The following VSIG1 variants were observed in gnomAD, a reference collection of about 807,000 sequenced individuals.
VSIG1 encodes V-set and immunoglobulin domain-containing protein 1.
Under a neutral mutation model 20.1 loss-of-function variants are expected in VSIG1, and 11 were observed. That is an observed-to-expected ratio of 0.55 (90% CI 0.34 to 0.91). VSIG1 has a LOEUF of 0.91. VSIG1 is among the 40% of genes least tolerant of loss of function. VSIG1 has a pLI of 0.02. For missense variants in VSIG1, 283 were observed against 298.8 expected, an observed-to-expected ratio of 0.95 and a Z score of 0.39; for synonymous variants, 126 against 116.7, an observed-to-expected ratio of 1.08 and a Z score of -0.52.
At chrX:108,045,229 CTTTT>C in intron 1 of VSIG1, 50 bp downstream of exon 1, 1 of 1,062,302 alleles carries the variant, frequency 9.4e-7, no homozygotes, top group Non-Finnish European at 1.3e-6. Flanking sequence ...ACAGAGTTTC[CTTTT>C]AAATAAAAAT....
chrX:108,047,921 C>CACATAT (rs1555980365), intron 1 of VSIG1, among the ~76,000 whole-genome samples: 3 of 60,899 alleles, frequency 4.9e-5, no homozygotes, highest in African/African-American at 9.0e-5. Context: ...TATATATACA[C>CACATAT]ATATATATAT....
chrX:108,050,200 T>A (rs192648476), intron 1 of VSIG1, among the ~76,000 whole-genome samples: 1 of 112,270 alleles, frequency 8.9e-6, no homozygotes, highest in African/African-American at 3.2e-5. Context: ...TGTTTGTCAA[T>A]CCTTTAAGTT....
chrX:108,034,942 C>T, the VSIG1 span, among the ~76,000 whole-genome samples: 1 of 111,702 alleles, frequency 9.0e-6, no homozygotes, highest in Non-Finnish European at 1.9e-5. Flanking sequence ...TAAAACCAAA[C>T]AGACAAATGA....
chrX:108,047,799 T>TATATATATACATATATATATAC (rs1555980245), intron 1 of VSIG1, among the ~76,000 whole-genome samples: 8,154 of 68,038 alleles, frequency 0.12, 1,080 homozygotes, highest in Non-Finnish European at 0.16. Flanking sequence ...TCTATATATA[T>TATATATATACATATATATATAC]ATATATATAC....
chrX:108,052,402 G>A (rs915316424), intron 1 of VSIG1, among the ~76,000 whole-genome samples: 1 of 111,252 alleles, frequency 9.0e-6, no homozygotes, highest in Non-Finnish European at 1.9e-5. Context: ...ATTTCGAGAA[G>A]AGCCTGGGCC....
chrX:108,020,204 C>A, the VSIG1 span, among the ~76,000 whole-genome samples: 10 of 111,654 alleles, frequency 9.0e-5, no homozygotes, highest in African/African-American at 3.3e-4. Flanking sequence ...TTCCTTTTAC[C>A]TTTTTTTCTT....
At position 108,077,512 on chromosome X, in the gene VSIG1, A is replaced by G. The variant is rs2031375982; in HGVS notation, c.*131A>G. 5 of 771,615 alleles carry G rather than the reference A, an allele frequency of 6.5e-6. No homozygotes were observed. In the East Asian group the frequency reaches 1.6e-4, roughly 25 times the overall value. The allele number at this position is 771,615 out of a possible 1,213,427, so 63.6% of individuals were successfully genotyped here. A position where few individuals can be genotyped will look rare whatever the true frequency, so the allele number is the denominator to read the frequency against. The stretch of plus-strand genomic sequence containing the variant: ...TTCTTCTAACAAGGTGCTCATTCCT[A>G]CTATGAATCCAGAATAAACACGCCA... On this transcript the variant is annotated 3_prime_UTR_variant, in exon 7 of 7. Coordinates refer to ENST00000217957, the MANE Select transcript of VSIG1 (RefSeq NM_182607.5).
intron 3 of VSIG1, among the ~76,000 whole-genome samples, chrX:108,071,892 CA>C (rs1203449181): frequency 0.16 from 5,864 of 36,296 alleles, 460 homozygotes; most frequent in African/African-American, 0.39. Flanking sequence ...TGAACAAATG[CA>C]AAAAAAAAAA....
chrX:108,043,002 A>G, upstream of VSIG1, among the ~76,000 whole-genome samples: 1 of 111,219 alleles, frequency 9.0e-6, no homozygotes, highest in East Asian at 2.8e-4. Flanking sequence ...AGGAAAAAGT[A>G]ATTTTGGAGC....
the VSIG1 span, among the ~76,000 whole-genome samples, chrX:108,034,880 G>A: frequency 9.0e-6 from 1 of 111,398 alleles, no homozygotes; most frequent in Non-Finnish European, 1.9e-5. Flanking sequence ...GCTGCCTCTC[G>A]TTAAAACCAA....
intron 3 of VSIG1, among the ~76,000 whole-genome samples, chrX:108,067,912 C>T (rs1461186251): frequency 8.9e-6 from 1 of 112,065 alleles, no homozygotes; most frequent in Admixed American, 9.5e-5. Flanking sequence ...TGCCAATCCT[C>T]AACTCTTACA....
rs907219831 is a variant in VSIG1, at chrX:108,077,750, A to G, written c.*369A>G. ...TAGACAGAGTCTTGCTCCGTCGCGC[A>G]GGCTGTGATCGTAGTGGTGCGATCT... On this transcript the variant is annotated 3_prime_UTR_variant, in exon 7 of 7. Coordinates refer to ENST00000217957, the MANE Select transcript of VSIG1 (RefSeq NM_182607.5). The G allele has an allele frequency of 7.8e-5, 11 of 140,153 alleles. No homozygotes were observed. Among genetic ancestry groups the G allele is most frequent in the Non-Finnish European group, 1.4e-4 (10 of 72,032 alleles). The allele number at this position is 140,153 out of a possible 1,213,427, so 11.6% of individuals were successfully genotyped here. A position where few individuals can be genotyped will look rare whatever the true frequency, so the allele number is the denominator to read the frequency against.
At position 108,055,746 on chromosome X, in the gene VSIG1, C is replaced by G. The variant is rs749050646; in HGVS notation, c.50-2292C>G. Among the ~76,000 whole-genome samples the G allele has an allele frequency of 1.3e-4, 14 of 111,848 alleles. No individual in the cohort carries two copies. In the South Asian group the frequency reaches 2.6e-3, roughly 21 times the overall value. On this transcript the variant is annotated intron_variant, in intron 1 of 6. Transcript: ENST00000217957. The stretch of plus-strand genomic sequence containing the variant: ...CAACTGATGCAGATAAAGCATTTGA[C>G]AAAATCCAATACCCATTCATCATTA...
rs1317785697 is a variant in VSIG1, at chrX:108,047,823, TATATATACAC to T, written c.49+2652_49+2661del. 1.0e-3 allele frequency among the ~76,000 whole-genome samples: 62 copies of T among 60,696 alleles called. 3 individuals are homozygous for T. Among genetic ancestry groups the T allele is most frequent in the African/African-American group, 4.3e-3 (60 of 13,916 alleles). The allele number at this position is 60,696 out of a possible 115,157, so 52.7% of individuals were successfully genotyped here. A position where few individuals can be genotyped will look rare whatever the true frequency, so the allele number is the denominator to read the frequency against. Reference sequence around the variant, plus strand: ...ATATATATATACATATATATATACATATATATACACATATATATATACATATATATATACA... The same window carrying T: ...ATATATATATACATATATATATACATATATATATATACATATATATATACA... On this transcript the variant is annotated intron_variant, in intron 1 of 6. Transcript: ENST00000217957.
intron 6 of VSIG1, among the ~76,000 whole-genome samples, chrX:108,076,646 TCTCA>T (rs1396271764): frequency 8.9e-6 from 1 of 111,933 alleles, no homozygotes; most frequent in Admixed American, 9.5e-5. Context: ...CTAGTGTGTA[TCTCA>T]CTCATTCATT....
rs1285170990 is a variant in VSIG1 at position 108,078,092 on chromosome X, C to T, written c.*711C>T. 2 of 112,193 alleles carry T rather than the reference C, an allele frequency of 1.8e-5. No homozygotes were observed. The highest frequency in any genetic ancestry group is 3.8e-5 in the Non-Finnish European group (2 of 53,256). The allele number at this position is 112,193 out of a possible 1,213,427, so 9.2% of individuals were successfully genotyped here. A position where few individuals can be genotyped will look rare whatever the true frequency, so the allele number is the denominator to read the frequency against. ...AATATTATTTCTAGGAATAGTTCCTCATTCATTTTTATATTGACCACTAAG... is the reference window on the plus strand; with the variant it reads ...AATATTATTTCTAGGAATAGTTCCTTATTCATTTTTATATTGACCACTAAG... On this transcript the variant is annotated 3_prime_UTR_variant, in exon 7 of 7. Transcript: ENST00000217957.
the VSIG1 span, among the ~76,000 whole-genome samples, chrX:108,037,577 C>T: frequency 8.9e-6 from 1 of 112,226 alleles, no homozygotes; most frequent in Non-Finnish European, 1.9e-5. Flanking sequence ...TAGCTGTTTC[C>T]AAAGAGCAAA....
intron 3 of VSIG1, among the ~76,000 whole-genome samples, chrX:108,071,463 C>G (rs924478131): frequency 6.3e-5 from 7 of 111,342 alleles, no homozygotes; most frequent in African/African-American, 2.0e-4. Flanking sequence ...ATAAACCGTG[C>G]AAGTAAGTAA....
At chrX:108,057,428 C>T (rs1474420321) in intron 1 of VSIG1, among the ~76,000 whole-genome samples, 1 of 111,926 alleles carries the variant, frequency 8.9e-6, no homozygotes. Flanking sequence ...TGAATAAGGT[C>T]GATAGGTTTT....
Sources: gnomAD v4.1 joint callset for allele counts (sites outside exome capture counted in the v4.1 genomes callset) on GRCh38, gnomAD v4.1.1 for gene constraint, MANE v1.5 for transcripts, NCBI Gene and HGNC (gene_info 2026-07-23, HGNC 2026-07-21) for gene names.